The following SYT2 variants were observed in gnomAD, a reference collection of about 807,000 sequenced individuals.
The protein encoded by SYT2 is synaptotagmin 2, also known as synaptotagmin-2.
SYT2 carries 15 observed loss-of-function variants against 39.9 expected under a neutral mutation model. The ratio of observed to expected loss-of-function variants is 0.38; its 90% CI spans 0.25 to 0.58. The LOEUF (loss-of-function observed/expected upper bound fraction) is 0.58, where lower values mean the gene tolerates loss of function less well. Ranked by LOEUF, SYT2 falls within the 20% of genes least tolerant of loss-of-function variation. SYT2 has a pLI of 0.70. For missense variants in SYT2, 389 were observed against 530.3 expected (o/e 0.73, Z 2.62); for synonymous variants, 181 against 204.5 (o/e 0.89, Z 0.98).
intron 1 of SYT2, among the ~76,000 whole-genome samples, chr1:202,636,880 CT>C (rs1461725311): frequency 6.6e-6 from 1 of 152,258 alleles, no homozygotes; most frequent in East Asian, 1.9e-4. Flanking sequence ...GTTTAAGTAA[CT>C]TAGCCAAAGT....
chr1:202,658,051 C>T (rs752320382), intron 1 of SYT2, among the ~76,000 whole-genome samples: 5 of 152,070 alleles, frequency 3.3e-5, no homozygotes, highest in Non-Finnish European at 5.9e-5. Flanking sequence ...CAGAGCTCAT[C>T]GAGTGACCTT....
At position 202,595,353 on chromosome 1, in the gene SYT2, T is replaced by C. The variant is rs1015255756; in HGVS notation, c.*1404A>G. On this transcript the variant is annotated 3_prime_UTR_variant, in exon 9 of 9. Coordinates refer to ENST00000367268, the MANE Select transcript of SYT2 (RefSeq NM_177402.5). ...TGCTACTCATTTGGAATGGATGCCC[T>C]TTGTTTCTTAGCATTCATAGAGAGA... The C allele has an allele frequency of 6.6e-6, 1 of 152,248 alleles. No homozygotes were observed. Among genetic ancestry groups the C allele is most frequent in the African/African-American group, 2.4e-5 (1 of 41,452 alleles). 9.4% of individuals were successfully genotyped at this position (152,248 alleles called of 1,614,324 possible). A position where few individuals can be genotyped will look rare whatever the true frequency, so the allele number is the denominator to read the frequency against.
At position 202,643,026 on chromosome 1, in the gene SYT2, C is replaced by T. The variant is rs112075054; in HGVS notation, c.-17-37237G>A. Among the ~76,000 whole-genome samples, 1,338 of 152,360 alleles carry T rather than the reference C, an allele frequency of 8.8e-3. 17 individuals are homozygous for T. Among genetic ancestry groups the T allele is most frequent in the African/African-American group, 0.031 (1,283 of 41,590 alleles). Reference sequence around the variant, plus strand: ...TCCCGAAATAATTCAGGACACCTCCCCCGGGTCTAGCCAGGTAATTCCGAC... The same window carrying T: ...TCCCGAAATAATTCAGGACACCTCCTCCGGGTCTAGCCAGGTAATTCCGAC... On this transcript the variant is annotated intron_variant, in intron 1 of 8. Transcript: ENST00000367268.
In SYT2 at chr1:202,642,932, C is replaced by T. The variant is rs142860088; in HGVS notation, c.-17-37143G>A. Among the ~76,000 whole-genome samples, 1,336 of 152,368 alleles carry T rather than the reference C, an allele frequency of 8.8e-3. 17 individuals are homozygous for T. The highest frequency in any genetic ancestry group is 0.031 in the African/African-American group (1,282 of 41,586). On this transcript the variant is annotated intron_variant, in intron 1 of 8. Coordinates refer to ENST00000367268, the MANE Select transcript of SYT2 (RefSeq NM_177402.5). ...TGGTCCCAGCGCTAAGGCACCGCGG[C>T]TTCTCTCGCCTTCTCTCCGCTTTGG...
At chr1:202,619,026 C>A (rs773039662) in intron 1 of SYT2, among the ~76,000 whole-genome samples, 37 of 152,334 alleles carry the variant, frequency 2.4e-4, no homozygotes, top group Non-Finnish European at 3.2e-4. Flanking sequence ...ATCCCTGGAC[C>A]CCTAGTCCAG....
In SYT2 at chr1:202,594,532, GGAGAA is replaced by G. The variant is rs1553333553; in HGVS notation, c.*2220_*2224del. The G allele has an allele frequency of 6.6e-6, 1 of 152,146 alleles. No homozygotes were observed. Among genetic ancestry groups the G allele is most frequent in the Non-Finnish European group, 1.5e-5 (1 of 68,072 alleles). The allele number at this position is 152,146 out of a possible 1,614,324, so 9.4% of individuals were successfully genotyped here. A position where few individuals can be genotyped will look rare whatever the true frequency, so the allele number is the denominator to read the frequency against. On this transcript the variant is annotated 3_prime_UTR_variant, in exon 9 of 9. Coordinates refer to ENST00000367268, the MANE Select transcript of SYT2 (RefSeq NM_177402.5). Reference sequence around the variant, plus strand: ...CCAAAATCCCATAACTCTGGGGTTGGGAGAAGAGTCCAGTGACTTCTGATGTCCAT... The same window carrying G: ...CCAAAATCCCATAACTCTGGGGTTGGGAGTCCAGTGACTTCTGATGTCCAT...
At chr1:202,600,049 C>T (rs1690444296) in intron 7 of SYT2, among the ~76,000 whole-genome samples, 1 of 152,234 alleles carries the variant, frequency 6.6e-6, no homozygotes. Context: ...GGGCTAAGCC[C>T]TGCTCATTTC....
rs560715269 is a variant in SYT2, at chr1:202,638,819, T to C, written c.-17-33030A>G. Among the ~76,000 whole-genome samples the C allele has an allele frequency of 2.5e-4, 38 of 152,334 alleles. 2 individuals carry two copies. In the South Asian group the frequency reaches 7.7e-3, roughly 31 times the overall value. ...CCCGTCCTTTGCCCCTGGGCAAATA[T>C]TGACTTTCTTTCACTCAGCCTTGTC... On this transcript the variant is annotated intron_variant, in intron 1 of 8. Coordinates refer to ENST00000367268, the MANE Select transcript of SYT2 (RefSeq NM_177402.5).
rs534871804 is a variant in SYT2, at chr1:202,642,689, C to T, written c.-17-36900G>A. Among the ~76,000 whole-genome samples, 63 of 152,314 alleles carry T rather than the reference C, an allele frequency of 4.1e-4. 1 individual carries two copies. In the East Asian group the frequency reaches 0.011, roughly 27 times the overall value. On this transcript the variant is annotated intron_variant, in intron 1 of 8. Transcript: ENST00000367268. ...GGGGGCGCTCAGAAAGGCAGCCAGT[C>T]CTGCAAACCGCCCGTGCCTCCGGCA...
intron 1 of SYT2, among the ~76,000 whole-genome samples, chr1:202,650,594 C>A (rs190835865): frequency 6.6e-6 from 1 of 152,124 alleles, no homozygotes; most frequent in African/African-American, 2.4e-5. Context: ...CACCACCACA[C>A]CTGGCTATGA....
intron 1 of SYT2, among the ~76,000 whole-genome samples, chr1:202,658,339 A>ACTAG (rs1463310644): frequency 6.6e-6 from 1 of 152,132 alleles, no homozygotes; most frequent in Admixed American, 6.5e-5. Flanking sequence ...AGTGTGCGGC[A>ACTAG]AGGGCAGTAG....
At chr1:202,650,913 G>A (rs377564805) in intron 1 of SYT2, among the ~76,000 whole-genome samples, 1 of 152,260 alleles carries the variant, frequency 6.6e-6, no homozygotes, top group Non-Finnish European at 1.5e-5. Flanking sequence ...AGGGAATAGC[G>A]AGTGCTCCAG....
At chr1:202,603,212 G>A in intron 3 of SYT2, 94 bp from the exon 4 acceptor site, 1 of 1,511,884 alleles carries the variant, frequency 6.6e-7, no homozygotes, top group Non-Finnish European at 9.0e-7. Flanking sequence ...CCCCTCTGTG[G>A]TAGACCCTGA....
intron 1 of SYT2, among the ~76,000 whole-genome samples, chr1:202,677,111 C>T (rs1376233650): frequency 2.0e-5 from 3 of 152,224 alleles, no homozygotes; most frequent in East Asian, 3.8e-4. Context: ...GCCTACTGTA[C>T]AGCCTGTGGA....
intron 1 of SYT2, among the ~76,000 whole-genome samples, chr1:202,635,753 A>G (rs2149093504): frequency 6.6e-6 from 1 of 152,010 alleles, no homozygotes; most frequent in East Asian, 1.9e-4. Context: ...CAGCCTGGTC[A>G]CCCCCATGGT....
rs982717440 is a variant in SYT2, at chr1:202,593,779, C to A, written c.*2978G>T. The A allele has an allele frequency of 2.0e-5, 3 of 152,142 alleles. No individual in the cohort carries two copies. Among genetic ancestry groups the A allele is most frequent in the Non-Finnish European group, 1.5e-5 (1 of 68,046 alleles). The allele number at this position is 152,142 out of a possible 1,614,324, so 9.4% of individuals were successfully genotyped here. ...ACCCCAGTTTCTGGATGGGATTAGGCTTGTTTTCATGGTCTCAGCTTCTCT... is the reference window on the plus strand; with the variant it reads ...ACCCCAGTTTCTGGATGGGATTAGGATTGTTTTCATGGTCTCAGCTTCTCT... On this transcript the variant is annotated 3_prime_UTR_variant, in exon 9 of 9. Transcript: ENST00000367268.
chr1:202,647,609 G>C (rs1692113761), intron 1 of SYT2, among the ~76,000 whole-genome samples: 1 of 152,252 alleles, frequency 6.6e-6, no homozygotes, highest in African/African-American at 2.4e-5. Flanking sequence ...GAGAAAGAGG[G>C]GAAGGGAGAG....
Position 202,591,029 on chromosome 1 carries a change from G to C in SYT2, c.*5728C>G, listed in dbSNP as rs940079985. 1.1e-4 allele frequency: 17 copies of C among 152,300 alleles called. No individual in the cohort carries two copies. The highest frequency in any genetic ancestry group is 4.1e-4 in the African/African-American group (17 of 41,448). The allele number at this position is 152,300 out of a possible 1,614,324, so 9.4% of individuals were successfully genotyped here. ...CCAGACAGATGCTCTCTCAACTCTT[G>C]CCTCAATTTGTCTCTGCTGTGGGTG... On this transcript the variant is annotated 3_prime_UTR_variant, in exon 9 of 9. Coordinates refer to ENST00000367268, the MANE Select transcript of SYT2 (RefSeq NM_177402.5).
intron 1 of SYT2, among the ~76,000 whole-genome samples, chr1:202,619,517 A>C (rs111761719): frequency 5.0e-4 from 76 of 151,832 alleles, no homozygotes; most frequent in South Asian, 2.7e-3. Flanking sequence ...CTGCATCAAG[A>C]CCCCCTGGGG....
Sources: gnomAD v4.1 joint callset for allele counts (sites outside exome capture counted in the v4.1 genomes callset) on GRCh38, gnomAD v4.1.1 for gene constraint, MANE v1.5 for transcripts, NCBI Gene and HGNC (gene_info 2026-07-23, HGNC 2026-07-21) for gene names.